Variants in PTPN4 observed in about 807,000 individuals in gnomAD.
PTPN4 encodes the protein tyrosine-protein phosphatase non-receptor type 4.
In PTPN4, 49 loss-of-function variants were observed where a neutral mutation model predicts 135.5. That is an observed-to-expected ratio of 0.36 (90% CI 0.29 to 0.46). PTPN4 has a LOEUF of 0.46. Among genes scored for constraint, PTPN4 ranks in the 20% least tolerant of loss-of-function variants. PTPN4 has a pLI of 1.00. For missense variants in PTPN4, 860 were observed against 1,101.0 expected (o/e 0.78, Z 3.10); for synonymous variants, 333 against 369.9 (o/e 0.90, Z 1.14).
intron 10 of PTPN4, among the ~76,000 whole-genome samples, chr2:119,912,008 G>A (rs539371674): frequency 7.0e-4 from 107 of 152,228 alleles, no homozygotes; most frequent in African/African-American, 2.5e-3. Context: ...TGTAATAGCC[G>A]AAAACTAGAA....
chr2:119,852,237 T>C (rs1233549592), intron 2 of PTPN4, among the ~76,000 whole-genome samples: 1 of 152,204 alleles, frequency 6.6e-6, no homozygotes, highest in Non-Finnish European at 1.5e-5. Context: ...GATTGCGCGT[T>C]TACCCTATTT....
intron 2 of PTPN4, among the ~76,000 whole-genome samples, chr2:119,844,388 C>T (rs1408968672): frequency 0.023 from 3,381 of 145,490 alleles, 77 homozygotes; most frequent in African/African-American, 0.062. Context: ...GGGTGGCTGC[C>T]GGGCGGAGAC....
chr2:119,947,318 T>A (rs1679149146), intron 18 of PTPN4, among the ~76,000 whole-genome samples: 1 of 152,146 alleles, frequency 6.6e-6, no homozygotes, highest in East Asian at 1.9e-4. Context: ...CCAGCTATGC[T>A]TTTTTTGGTG....
intron 18 of PTPN4, among the ~76,000 whole-genome samples, chr2:119,947,452 T>C (rs1214443857): frequency 6.6e-6 from 1 of 152,178 alleles, no homozygotes; most frequent in African/African-American, 2.4e-5. Flanking sequence ...AGGGTACTCA[T>C]GGAATACCCC....
intron 1 of PTPN4, among the ~76,000 whole-genome samples, chr2:119,807,764 C>T (rs1216251002): frequency 6.6e-6 from 1 of 152,050 alleles, no homozygotes; most frequent in Non-Finnish European, 1.5e-5. Context: ...CTGGCAGAGA[C>T]ACAACAAAAA....
intron 12 of PTPN4, among the ~76,000 whole-genome samples, chr2:119,923,674 A>T (rs1678770323): frequency 6.6e-6 from 1 of 151,896 alleles, no homozygotes; most frequent in South Asian, 2.1e-4. Context: ...TCAGGTATAA[A>T]AAAATAACTT....
rs1691013903 is a variant in PTPN4, at chr2:119,784,695, A to AT, written c.-18+24311_-18+24312insT. Among the ~76,000 whole-genome samples the AT allele has an allele frequency of 2.9e-5, 4 of 136,774 alleles. No individual in the cohort carries two copies. In the South Asian group the frequency reaches 9.4e-4, roughly 32 times the overall value. 89.7% of individuals were successfully genotyped at this position (136,774 alleles called of 152,430 possible). ...AGCTACTGCGCCCAGCTGCCCAGCTAATTTTTTTTTTTTTTTTTTTTTTGT... is the reference window on the plus strand; with the variant it reads ...AGCTACTGCGCCCAGCTGCCCAGCTATATTTTTTTTTTTTTTTTTTTTTTGT... On this transcript the variant is annotated intron_variant, in intron 1 of 26. Transcript: ENST00000263708.
chr2:119,954,303 G>A (rs2105053817), intron 19 of PTPN4, among the ~76,000 whole-genome samples: 1 of 152,332 alleles, frequency 6.6e-6, no homozygotes, highest in Middle Eastern at 3.4e-3. Context: ...TCTTCTCCCA[G>A]TGGAGTCATA....
rs70949374 is a variant in PTPN4 at position 119,943,580 on chromosome 2, CTTTTTT to C, written c.1356-1483_1356-1478del. ...AAATCATAAGCTGTTTCATTTTTTT[CTTTTTT>C]TTTTTTTTTTTTTTTTTGAGATGGA... On this transcript the variant is annotated intron_variant, in intron 15 of 26. Transcript: ENST00000263708. 3.0e-3 allele frequency among the ~76,000 whole-genome samples: 243 copies of C among 79,918 alleles called. No individual in the cohort carries two copies. In the Middle Eastern group the frequency reaches 0.038, roughly 13 times the overall value. 52.4% of individuals were successfully genotyped at this position (79,918 alleles called of 152,430 possible).
intron 1 of PTPN4, among the ~76,000 whole-genome samples, chr2:119,794,069 A>G (rs963101846): frequency 3.3e-5 from 5 of 151,340 alleles, no homozygotes; most frequent in African/African-American, 1.2e-4. Flanking sequence ...GCTGGTCTTG[A>G]ACTCCTGGGC....
chr2:119,895,723 C>T (rs1190852738), intron 9 of PTPN4, among the ~76,000 whole-genome samples: 1 of 152,128 alleles, frequency 6.6e-6, no homozygotes, highest in African/African-American at 2.4e-5. Context: ...AGATCGAGAC[C>T]ATCCTGGCTA....
intron 3 of PTPN4, among the ~76,000 whole-genome samples, chr2:119,866,640 T>C (rs1387452080): frequency 1.3e-5 from 2 of 152,100 alleles, no homozygotes; most frequent in East Asian, 1.9e-4. Flanking sequence ...TACTAAGTTA[T>C]GACATATTTT....
intron 26 of PTPN4, among the ~76,000 whole-genome samples, chr2:119,973,654 T>G (rs1356186901): frequency 8.0e-6 from 1 of 125,480 alleles, no homozygotes; most frequent in Non-Finnish European, 1.7e-5. Context: ...CTTCATTTCT[T>G]GTTTTTTTTT....
chr2:119,957,419 A>G (rs1679304414), intron 22 of PTPN4, among the ~76,000 whole-genome samples: 1 of 152,042 alleles, frequency 6.6e-6, no homozygotes, highest in Non-Finnish European at 1.5e-5. Context: ...ATGGACCAGT[A>G]ATTGTCTAGG....
intron 18 of PTPN4, among the ~76,000 whole-genome samples, chr2:119,946,951 ATTTTACTTTAAAT>A (rs1290868384): frequency 1.3e-5 from 2 of 152,100 alleles, no homozygotes; most frequent in African/African-American, 4.8e-5. Context: ...CTCCTTTAAA[ATTTTACTTTAAAT>A]GGAAATGATA....
intron 1 of PTPN4, among the ~76,000 whole-genome samples, chr2:119,784,728 G>A (rs1209710561): frequency 7.0e-6 from 1 of 143,116 alleles, no homozygotes; most frequent in Non-Finnish European, 1.5e-5. Flanking sequence ...TGTAGAGATG[G>A]GGTTTTGCTG....
At chr2:119,972,667 A>G (rs1425392470) in intron 26 of PTPN4, among the ~76,000 whole-genome samples, 1 of 152,068 alleles carries the variant, frequency 6.6e-6, no homozygotes, top group Non-Finnish European at 1.5e-5. Context: ...TTAGATTTTC[A>G]CTAATTATCA....
chr2:119,933,554 C>A (rs1678937886), intron 14 of PTPN4, among the ~76,000 whole-genome samples: 1 of 151,332 alleles, frequency 6.6e-6, no homozygotes, highest in African/African-American at 2.4e-5. Context: ...GTGGCGTGCA[C>A]CTGTCAGGGG....
chr2:119,853,035 C>T (rs1161112750), intron 2 of PTPN4, among the ~76,000 whole-genome samples: 1 of 151,974 alleles, frequency 6.6e-6, no homozygotes, highest in African/African-American at 2.4e-5. Flanking sequence ...TGTTTTATGA[C>T]CCAGGATATA....
Sources: allele counts gnomAD v4.1 joint callset (sites outside exome capture counted in the v4.1 genomes callset), GRCh38; gene constraint gnomAD v4.1.1; transcripts MANE v1.5; gene names NCBI Gene and HGNC (gene_info 2026-07-23, HGNC 2026-07-21).